The following ZC3H7A variants were observed in gnomAD, a reference collection of about 807,000 sequenced individuals.
The protein encoded by ZC3H7A is zinc finger CCCH-type containing 7A.
In ZC3H7A, 44 loss-of-function variants were observed where a neutral mutation model predicts 125.5. The ratio of observed to expected loss-of-function variants is 0.35; its 90% confidence interval spans 0.28 to 0.45. The LOEUF (loss-of-function observed/expected upper bound fraction) is 0.45. ZC3H7A is among the 20% of genes least tolerant of loss of function. The pLI, the probability that ZC3H7A is intolerant of heterozygous loss-of-function variation, is 1.00. For missense variants in ZC3H7A, 977 were observed against 1,170.7 expected, an observed-to-expected ratio of 0.83 and a Z score of 2.41; for synonymous variants, 399 against 391.2, an observed-to-expected ratio of 1.02 and a Z score of -0.23.
In ZC3H7A at chr16:11,779,371, A is replaced by C. The variant is rs781077064; in HGVS notation, c.109-8T>G. 1 of 1,604,542 alleles carries C rather than the reference A, an allele frequency of 6.2e-7. No homozygotes were observed. On this transcript the variant is annotated splice_polypyrimidine_tract_variant and splice_region_variant and intron_variant, in intron 3 of 22. Transcript: ENST00000355758. ...GAGAGCACGCAAATATACCTAAAAAAAAGAAAGTTACCACTTGAAGCCTTT... is the reference window on the plus strand; with the variant it reads ...GAGAGCACGCAAATATACCTAAAAACAAGAAAGTTACCACTTGAAGCCTTT...
In ZC3H7A at chr16:11,768,179, G is replaced by A. The variant is rs1269694102; in HGVS notation, c.1360+136C>T. 4.6e-6 allele frequency: 4 copies of A among 865,146 alleles called. No homozygotes were observed. In the African/African-American group the frequency reaches 6.9e-5, roughly 15 times the overall value. The allele number at this position is 865,146 out of a possible 1,614,324, so 53.6% of individuals were successfully genotyped here. ...GGCACTAAATCAGTAACTGCTACTT[G>A]TTTAGGAAGAATTCAAAATAGGGAT... On this transcript the variant is annotated intron_variant, in intron 12 of 22. Coordinates refer to ENST00000355758, the MANE Select transcript of ZC3H7A (RefSeq NM_014153.4).
In ZC3H7A at chr16:11,763,375, G is replaced by C. The variant is rs2052786138; in HGVS notation, c.2002+103C>G. The C allele has an allele frequency of 8.5e-6, 10 of 1,182,566 alleles. No individual in the cohort carries two copies. The South Asian group carries it at 1.6e-4, about 18-fold the overall frequency. The allele number at this position is 1,182,566 out of a possible 1,614,324, so 73.3% of individuals were successfully genotyped here. A position where few individuals can be genotyped will look rare whatever the true frequency, so the allele number is the denominator to read the frequency against. On this transcript the variant is annotated intron_variant, in intron 16 of 22. Transcript: ENST00000355758. The stretch of plus-strand genomic sequence containing the variant: ...CCATCTGCCTCAGCCTCCCAAAGTA[G>C]TGGGATTACAGGCATGAGCCACCAC...
intron 2 of ZC3H7A, 94 bp downstream of exon 2, chr16:11,782,193 A>T: frequency 1.4e-6 from 2 of 1,408,218 alleles, no homozygotes; most frequent in Non-Finnish European, 2.0e-6. Flanking sequence ...TGGACCTATT[A>T]AACATGACTA....
intron 1 of ZC3H7A, chr16:11,796,402 A>T (rs1399253795): frequency 2.0e-5 from 3 of 152,112 alleles, no homozygotes; most frequent in African/African-American, 7.2e-5. Flanking sequence ...AACACGGGCA[A>T]CTCCTTTTCA....
chr16:11,784,125 G>T (rs1046413864), intron 1 of ZC3H7A, among the ~76,000 whole-genome samples: 1 of 152,104 alleles, frequency 6.6e-6, no homozygotes, highest in Admixed American at 6.5e-5. Flanking sequence ...AGAAGTCCAT[G>T]ACACTAGAGT....
intron 1 of ZC3H7A, among the ~76,000 whole-genome samples, chr16:11,790,987 C>T (rs1315486817): frequency 1.3e-5 from 2 of 151,544 alleles, no homozygotes; most frequent in South Asian, 2.1e-4. Context: ...GGAGGAAGAT[C>T]GCTTAAGCCC....
intron 4 of ZC3H7A, among the ~76,000 whole-genome samples, chr16:11,778,610 C>T (rs1473424356): frequency 3.3e-5 from 5 of 152,096 alleles, no homozygotes; most frequent in Non-Finnish European, 1.5e-5. Flanking sequence ...GCAGACACAC[C>T]TTCAAAAGCC....
chr16:11,784,862 A>G (rs570816258), intron 1 of ZC3H7A, among the ~76,000 whole-genome samples: 1 of 148,488 alleles, frequency 6.7e-6, no homozygotes, highest in East Asian at 2.0e-4. Context: ...CTCAAAAAAA[A>G]AAAAAAAAAA....
chr16:11,777,722 A>C (rs1291217251), intron 4 of ZC3H7A, among the ~76,000 whole-genome samples: 7 of 150,290 alleles, frequency 4.7e-5, no homozygotes, highest in Non-Finnish European at 1.0e-4. Context: ...CTCCATCTCA[A>C]AAATTTAAAA....
chr16:11,758,573 A>C (rs1238592976), intron 19 of ZC3H7A, 34 bp from the exon 20 acceptor site: 2 of 1,500,286 alleles, frequency 1.3e-6, no homozygotes, highest in Non-Finnish European at 1.8e-6. Context: ...ATTAAGACAA[A>C]GTACACCTAG....
chr16:11,791,223 C>T (rs572527891), intron 1 of ZC3H7A, among the ~76,000 whole-genome samples: 1 of 152,168 alleles, frequency 6.6e-6, no homozygotes, highest in South Asian at 2.1e-4. Flanking sequence ...AGCAGACCCC[C>T]ATCCCCAAGC....
At chr16:11,771,020 A>G (rs762626413) in intron 9 of ZC3H7A, 33 bp from the exon 10 acceptor site, 2 of 1,575,066 alleles carry the variant, frequency 1.3e-6, no homozygotes, top group East Asian at 2.2e-5. Flanking sequence ...ATTAAAATTC[A>G]TGAAGCTGTC....
chr16:11,786,233 C>G (rs2053255105), intron 1 of ZC3H7A, among the ~76,000 whole-genome samples: 1 of 152,186 alleles, frequency 6.6e-6, no homozygotes, highest in Non-Finnish European at 1.5e-5. Flanking sequence ...GGGCAATTTA[C>G]TTAGAGTTCG....
intron 21 of ZC3H7A, among the ~76,000 whole-genome samples, chr16:11,755,684 G>A (rs558443898): frequency 6.6e-6 from 1 of 152,274 alleles, no homozygotes; most frequent in Admixed American, 6.5e-5. Context: ...TGCCAGGCAA[G>A]TAAGGAGAGA....
At chr16:11,774,133 A>G (rs1414198531) in intron 9 of ZC3H7A, 103 bp downstream of exon 9, 2 of 1,121,236 alleles carry the variant, frequency 1.8e-6, no homozygotes, top group African/African-American at 3.2e-5. Context: ...AAACCCCCAA[A>G]TTCAGCCTAT....
At chr16:11,782,546 C>T in intron 1 of ZC3H7A, 158 bp from the exon 2 acceptor site, 1 of 474,402 alleles carries the variant, frequency 2.1e-6, no homozygotes, top group Non-Finnish European at 3.8e-6. Context: ...GTACAGGAGT[C>T]ATCTTTGTGG....
At position 11,784,592 on chromosome 16, in the gene ZC3H7A, G is replaced by A. The variant is rs866752258; in HGVS notation, c.-34-2204C>T. Among the ~76,000 whole-genome samples the A allele has an allele frequency of 1.5e-3, 230 of 151,898 alleles. 2 individuals are homozygous for A. The highest frequency in any genetic ancestry group is 5.1e-3 in the African/African-American group (213 of 41,472). On this transcript the variant is annotated intron_variant, in intron 1 of 22. Transcript: ENST00000355758. Reference sequence around the variant, plus strand: ...TAAAAGAGGCCGGGCGCAGTGGCTCGCGCCTGTAATCCAGCACTTTGAGAG... The same window carrying A: ...TAAAAGAGGCCGGGCGCAGTGGCTCACGCCTGTAATCCAGCACTTTGAGAG...
At chr16:11,789,212 C>G (rs2053310561) in intron 1 of ZC3H7A, among the ~76,000 whole-genome samples, 1 of 151,976 alleles carries the variant, frequency 6.6e-6, no homozygotes, top group African/African-American at 2.4e-5. Context: ...TCCTGTGAGT[C>G]TATAATTATT....
Position 11,756,568 on chromosome 16 carries a change from G to A in ZC3H7A, c.2429-198C>T, listed in dbSNP as rs78645867. Among the ~76,000 whole-genome samples the A allele has an allele frequency of 3.0e-4, 45 of 152,258 alleles. No homozygotes were observed. In the East Asian group the frequency reaches 7.1e-3, roughly 24 times the overall value. ...TCTCACGCATAAGAACTACTTTCAGGACTGTTAGATGGCAAATATTAGTTC... is the reference window on the plus strand; with the variant it reads ...TCTCACGCATAAGAACTACTTTCAGAACTGTTAGATGGCAAATATTAGTTC... On this transcript the variant is annotated intron_variant, in intron 20 of 22. Coordinates refer to ENST00000355758, the MANE Select transcript of ZC3H7A (RefSeq NM_014153.4).
Sources: gnomAD v4.1 joint callset for allele counts (sites outside exome capture counted in the v4.1 genomes callset) on GRCh38, gnomAD v4.1.1 for gene constraint, MANE v1.5 for transcripts, NCBI Gene and HGNC (gene_info 2026-07-23, HGNC 2026-07-21) for gene names.